Variants in ANPEP observed in about 807,000 individuals in gnomAD.
ANPEP encodes aminopeptidase N.
A neutral mutation model predicts 114.6 loss-of-function variants in ANPEP; 70 were observed. That is an observed-to-expected ratio of 0.61 (90% CI 0.50 to 0.75). ANPEP has a LOEUF of 0.75. Ranked by LOEUF, ANPEP falls within the 30% of genes least tolerant of loss-of-function variation. The pLI is 0.00. For missense variants in ANPEP, 1,184 were observed against 1,259.5 expected (o/e 0.94, Z 0.91); for synonymous variants, 548 against 522.3 (o/e 1.05, Z -0.67).
intron 16 of ANPEP, 108 bp downstream of exon 16, chr15:89,792,927 T>C: frequency 9.9e-7 from 1 of 1,014,652 alleles, no homozygotes; most frequent in Non-Finnish European, 1.5e-6. Flanking sequence ...GGTCTCTCCC[T>C]GCCTGGTGCC....
chr15:89,810,873 T>C (rs1240602677), intron 1 of ANPEP, among the ~76,000 whole-genome samples: 1 of 152,250 alleles, frequency 6.6e-6, no homozygotes, highest in African/African-American at 2.4e-5. Context: ...CAACCTGCTT[T>C]TCCCCGCTTC....
chr15:89,803,569 C>T lies in ANPEP; in HGVS notation c.1438-62G>A. On this transcript the variant is annotated intron_variant, in intron 8 of 20. Coordinates refer to ENST00000300060, the MANE Select transcript of ANPEP (RefSeq NM_001150.3). This position sits in a 1 kb window ranked among gnomAD's most constrained non-coding sequence, Gnocchi z 4.2. ...CAGAGCCACCAGGACCCTGTGCCCCCAGACCCTGCCTTCAGTGAGGCCCCT... is the reference window on the plus strand; with the variant it reads ...CAGAGCCACCAGGACCCTGTGCCCCTAGACCCTGCCTTCAGTGAGGCCCCT... 2 of 1,601,304 alleles carry T rather than the reference C, an allele frequency of 1.2e-6. No homozygotes were observed. Among genetic ancestry groups the T allele is most frequent in the Non-Finnish European group, 1.7e-6 (2 of 1,175,072 alleles).
chr15:89,786,270 A>G (rs1194217829), intron 20 of ANPEP, among the ~76,000 whole-genome samples: 4 of 152,342 alleles, frequency 2.6e-5, no homozygotes, highest in African/African-American at 9.6e-5. Flanking sequence ...ACACCTAAGT[A>G]AAAAGAAAAA....
chr15:89,799,525 C>T lies in ANPEP; in HGVS notation c.1854G>A (p.Glu618=), dbSNP rs772487462. The change falls in exon 13 of 21, where the codon GAG becomes GAA. Residue 618 remains glutamate (E), a synonymous_variant. Transcript: ENST00000300060. This position sits in a 1 kb window ranked among gnomAD's most constrained non-coding sequence, Gnocchi z 4.2. ...TCACATTGAGGTTCAGCAGGACCCA[C>T]TCATTGCCTGATGTGCTGAAGAGAT... The part of the protein sequence containing the change: ...QNDLFSTSGN[E]WVLLNLNVTG... 6 of 1,614,244 alleles carry T rather than the reference C, an allele frequency of 3.7e-6. No individual in the cohort carries two copies. Among genetic ancestry groups the T allele is most frequent in the Non-Finnish European group, 5.1e-6 (6 of 1,180,044 alleles).
At chr15:89,788,667 C>T (rs1485968119) in intron 20 of ANPEP, among the ~76,000 whole-genome samples, 1 of 152,152 alleles carries the variant, frequency 6.6e-6, no homozygotes, top group Non-Finnish European at 1.5e-5. Flanking sequence ...GTGGCACCAC[C>T]TCCGCTCACT....
intron 1 of ANPEP, among the ~76,000 whole-genome samples, chr15:89,811,250 G>A (rs903321003): frequency 2.6e-5 from 4 of 152,150 alleles, no homozygotes; most frequent in African/African-American, 4.8e-5. Flanking sequence ...TATTTACTTC[G>A]TATTTTTCTT....
intron 15 of ANPEP, 65 bp downstream of exon 15, chr15:89,797,510 C>G: frequency 6.4e-7 from 1 of 1,560,240 alleles, no homozygotes; most frequent in East Asian, 2.3e-5. Flanking sequence ...CTATTAACTT[C>G]CTAATAGTGC....
chr15:89,807,509 G>A (rs1410816212), intron 1 of ANPEP, among the ~76,000 whole-genome samples: 1 of 152,164 alleles, frequency 6.6e-6, no homozygotes, highest in African/African-American at 2.4e-5. Flanking sequence ...GACCAGCCTG[G>A]CCAACATGGC....
rs943405767 is a variant in ANPEP, at chr15:89,793,100, G to T, written c.2184C>A (p.Pro728=). The change falls in exon 16 of 21, where the codon CCC becomes CCA. Residue 728 remains proline (P), a synonymous_variant. Transcript: ENST00000300060. ...TATTATTTCTGAAGTGAATGAAGAGGGGTGTGACCTGCTTCTTCAGGTAGT... is the reference window on the plus strand; with the variant it reads ...TATTATTTCTGAAGTGAATGAAGAGTGGTGTGACCTGCTTCTTCAGGTAGT... ...MKNYLKKQVT[P]LFIHFRNNTN... 6.2e-6 allele frequency: 10 copies of T among 1,613,964 alleles called. No homozygotes were observed. The highest frequency in any genetic ancestry group is 1.3e-5 in the African/African-American group (1 of 74,902).
intron 15 of ANPEP, among the ~76,000 whole-genome samples, chr15:89,796,878 T>G (rs1218660935): frequency 1.3e-5 from 2 of 152,226 alleles, no homozygotes; most frequent in Admixed American, 1.3e-4. Flanking sequence ...AAATGGATAT[T>G]CTACAGTTTA....
intron 19 of ANPEP, 25 bp downstream of exon 19, chr15:89,790,928 C>A: frequency 6.2e-7 from 1 of 1,612,134 alleles, no homozygotes; most frequent in Non-Finnish European, 8.5e-7. Context: ...GCTCGCTGTC[C>A]CTGACACCCA....
chr15:89,792,828 G>T (rs1435151422), intron 16 of ANPEP, among the ~76,000 whole-genome samples: 1 of 152,212 alleles, frequency 6.6e-6, no homozygotes, highest in Middle Eastern at 3.2e-3. Context: ...GTGAGCTAGA[G>T]TTTCAGTTTG....
In ANPEP at chr15:89,803,469, G is replaced by A. The variant is rs374617264; in HGVS notation, c.1476C>T (p.Ser492=). The change falls in exon 9 of 21, where the codon TCC becomes TCT. Residue 492 remains serine, a synonymous_variant. Coordinates refer to ENST00000300060, the MANE Select transcript of ANPEP (RefSeq NM_001150.3). This position sits in a 1 kb window ranked among gnomAD's most constrained non-coding sequence, Gnocchi z 4.2. ...SVLRMLSSFL[S]EDVFKQGLAS... ...CCAGGCCCTGCTTGAATACGTCCTC[G>A]GACAGGAAGCTGGAGAGCATCCTGA... is the stretch of plus-strand genomic sequence containing the variant. 19 of 1,605,588 alleles carry A rather than the reference G, an allele frequency of 1.2e-5. 1 individual carries two copies. Among genetic ancestry groups the A allele is most frequent in the Middle Eastern group, 1.7e-4 (1 of 6,016 alleles).
At chr15:89,812,684 C>CTGAGCACCTACTA (rs1169968678) in intron 1 of ANPEP, among the ~76,000 whole-genome samples, 1 of 151,850 alleles carries the variant, frequency 6.6e-6, no homozygotes, top group Non-Finnish European at 1.5e-5. Context: ...GTAGGTGAAA[C>CTGAGCACCTACTA]TGAGCACCTA....
In ANPEP at chr15:89,805,925, C is replaced by T. The variant is rs563899814; in HGVS notation, c.614+45G>A. ...TGGCCCTCAGAATCCAGCCTTGCCT[C>T]AGCACCTCGGATCCACCCCACCGGG... On this transcript the variant is annotated intron_variant, in intron 2 of 20. Coordinates refer to ENST00000300060, the MANE Select transcript of ANPEP (RefSeq NM_001150.3). 79 of 1,552,480 alleles carry T rather than the reference C, an allele frequency of 5.1e-5. No individual in the cohort carries two copies. In the South Asian group the frequency reaches 9.3e-4, roughly 18 times the overall value.
chr15:89,786,724 A>G (rs1968514057), intron 20 of ANPEP, among the ~76,000 whole-genome samples: 1 of 151,998 alleles, frequency 6.6e-6, no homozygotes, highest in Non-Finnish European at 1.5e-5. Flanking sequence ...GAGGACTCAC[A>G]CTTCCCAATT....
rs1214099121 is a variant in ANPEP, at chr15:89,799,384, G to A, written c.1953+42C>T. ...TGGCAGGCCTTGCAGTCTGGTGCCTGTCCTGGGGCAGGGGGCAGGGCGAGG... is the reference window on the plus strand; with the variant it reads ...TGGCAGGCCTTGCAGTCTGGTGCCTATCCTGGGGCAGGGGGCAGGGCGAGG... On this transcript the variant is annotated intron_variant, in intron 13 of 20. Coordinates refer to ENST00000300060, the MANE Select transcript of ANPEP (RefSeq NM_001150.3). This position sits in a 1 kb window ranked among gnomAD's most constrained non-coding sequence, Gnocchi z 4.2. 1.2e-6 allele frequency: 2 copies of A among 1,614,134 alleles called. No individual in the cohort carries two copies. Among genetic ancestry groups the A allele is most frequent in the Admixed American group, 1.7e-5 (1 of 60,014 alleles).
intron 15 of ANPEP, 116 bp from the exon 16 acceptor site, chr15:89,793,242 T>A: frequency 1.2e-6 from 1 of 826,260 alleles, no homozygotes. Flanking sequence ...GGTCAGGGCC[T>A]CACCTGAGGC....
At chr15:89,785,643 G>A (rs1239001954) in intron 20 of ANPEP, 142 bp from the exon 21 acceptor site, 5 of 1,232,662 alleles carry the variant, frequency 4.1e-6, no homozygotes, top group Non-Finnish European at 5.6e-6. Flanking sequence ...TAGGCAGGAC[G>A]TCCACCTTGC....
Sources: gnomAD v4.1 joint callset for allele counts (sites outside exome capture counted in the v4.1 genomes callset) on GRCh38, gnomAD v4.1.1 for gene constraint, Gnocchi (gnomAD v3.1) non-coding constraint, MANE v1.5 for transcripts, NCBI Gene and HGNC (gene_info 2026-07-23, HGNC 2026-07-21) for gene names.